Variants in BAZ2B observed in about 807,000 individuals in gnomAD.
BAZ2B encodes the protein bromodomain adjacent to zinc finger domain protein 2B.
A neutral mutation model predicts 246.0 loss-of-function variants in BAZ2B; 91 were observed. The observed-to-expected ratio is 0.37, with a 90% confidence interval of 0.31 to 0.44. The LOEUF is 0.44. Among genes scored for constraint, BAZ2B ranks in the 20% least tolerant of loss-of-function variants. The pLI is 1.00. For missense variants in BAZ2B, 2,332 were observed against 2,533.7 expected, an observed-to-expected ratio of 0.92 and a Z score of 1.71; for synonymous variants, 855 against 860.0, an observed-to-expected ratio of 0.99 and a Z score of 0.10.
Position 159,438,648 on chromosome 2 carries a change from T to C in BAZ2B, c.948A>G (p.Ala316=), listed in dbSNP as rs1394732580. 4 of 1,613,132 alleles carry C rather than the reference T, an allele frequency of 2.5e-6. No individual in the cohort carries two copies. Among genetic ancestry groups the C allele is most frequent in the Non-Finnish European group, 3.4e-6 (4 of 1,179,852 alleles). ...ISDPKADGQK[A]TEKAQEKRIH... ...TTCTTTTTTCCTGGGCTTTTTCAGT[T>C]GCTTTCTGTCCATCTGCTTTTGGGT... Residue 316 remains alanine (A), a synonymous_variant, in exon 8 of 37, where the codon GCA becomes GCG. Transcript: ENST00000392783.
chr2:159,441,786 C>G (rs1235845223), intron 6 of BAZ2B, among the ~76,000 whole-genome samples: 3 of 152,230 alleles, frequency 2.0e-5, no homozygotes, highest in Admixed American at 2.0e-4. Context: ...CTAGTTGGGA[C>G]TATAAGCTAA....
intron 32 of BAZ2B, 94 bp from the exon 33 acceptor site, chr2:159,337,171 A>G: frequency 7.0e-7 from 1 of 1,428,950 alleles, no homozygotes; most frequent in Non-Finnish European, 9.6e-7. Flanking sequence ...AAGCAATGAC[A>G]AAAACATGTA....
intron 30 of BAZ2B, 123 bp from the exon 31 acceptor site, chr2:159,347,769 G>T: frequency 2.6e-6 from 2 of 777,606 alleles, no homozygotes; most frequent in Non-Finnish European, 4.0e-6. Context: ...ATACACAAAT[G>T]CACTTGTGTA....
the BAZ2B span, among the ~76,000 whole-genome samples, chr2:159,625,782 C>A: frequency 1.3e-5 from 2 of 152,058 alleles, no homozygotes; most frequent in Admixed American, 6.6e-5. Context: ...ACAGGCGAAA[C>A]AACCAGCTAG....
At chr2:159,516,754 G>A (rs1048443922) in intron 2 of BAZ2B, 2 of 152,256 alleles carry the variant, frequency 1.3e-5, no homozygotes, top group African/African-American at 2.4e-5. Context: ...TCAAGTAATC[G>A]TTCTTTTCTT....
intron 2 of BAZ2B, among the ~76,000 whole-genome samples, chr2:159,503,362 T>C (rs2082027702): frequency 1.3e-5 from 2 of 152,152 alleles, no homozygotes; most frequent in East Asian, 3.9e-4. Context: ...TTTTAGTGCA[T>C]GATGTTTGTT....
intron 27 of BAZ2B, among the ~76,000 whole-genome samples, chr2:159,363,629 A>G (rs920920691): frequency 3.3e-5 from 5 of 152,230 alleles, no homozygotes; most frequent in African/African-American, 1.2e-4. Flanking sequence ...CGATAGGCTG[A>G]ACTCAGGCAA....
At chr2:159,415,239 G>T (rs7567974) in intron 13 of BAZ2B, among the ~76,000 whole-genome samples, 36,435 of 151,764 alleles carry the variant, frequency 0.24, 5,162 homozygotes, top group Admixed American at 0.41. Context: ...AAGGTCAGGA[G>T]TTCAAGACCA....
Position 159,557,682 on chromosome 2 carries a change from A to G in BAZ2B, c.-45-1817T>C, listed in dbSNP as rs946682995. Among the ~76,000 whole-genome samples, 14 of 152,186 alleles carry G rather than the reference A, an allele frequency of 9.2e-5. 1 individual carries two copies. The highest frequency in any genetic ancestry group is 7.9e-4 in the Admixed American group (12 of 15,270). Reference sequence around the variant, plus strand: ...CTGTTAGCTTTAACTCCATGAAGGAAGATCACTGGAGCACAAGTTTAGTAC... The same window carrying G: ...CTGTTAGCTTTAACTCCATGAAGGAGGATCACTGGAGCACAAGTTTAGTAC... On this transcript the variant is annotated intron_variant, in intron 1 of 36. Transcript: ENST00000392783.
chr2:159,458,079 C>T (rs2075992331), intron 3 of BAZ2B, among the ~76,000 whole-genome samples: 1 of 152,168 alleles, frequency 6.6e-6, no homozygotes, highest in Non-Finnish European at 1.5e-5. Context: ...ACAATCTCAG[C>T]TTACTGCAAC....
At position 159,382,880 on chromosome 2, in the gene BAZ2B, T is replaced by C. The variant is rs945517810; in HGVS notation, c.3762-78A>G. 25 of 1,510,466 alleles carry C rather than the reference T, an allele frequency of 1.7e-5. No homozygotes were observed. In the East Asian group the frequency reaches 3.9e-4, roughly 23 times the overall value. The allele number at this position is 1,510,466 out of a possible 1,614,324, so 93.6% of individuals were successfully genotyped here. A position where few individuals can be genotyped will look rare whatever the true frequency, so the allele number is the denominator to read the frequency against. On this transcript the variant is annotated intron_variant, in intron 24 of 36. Coordinates refer to ENST00000392783, the MANE Select transcript of BAZ2B (RefSeq NM_013450.4). Reference sequence around the variant, plus strand: ...TTTTAAAAGAGCAAAACATGAGTTGTATGCAAAAATACCTTATGGCATTTC... The same window carrying C: ...TTTTAAAAGAGCAAAACATGAGTTGCATGCAAAAATACCTTATGGCATTTC...
At chr2:159,380,035 T>C (rs2061823101) in intron 25 of BAZ2B, among the ~76,000 whole-genome samples, 1 of 152,096 alleles carries the variant, frequency 6.6e-6, no homozygotes, top group South Asian at 2.1e-4. Flanking sequence ...CATCCCTCTA[T>C]GACCTTGCCT....
chr2:159,415,913 T>C (rs2067629213), intron 13 of BAZ2B, among the ~76,000 whole-genome samples: 1 of 152,214 alleles, frequency 6.6e-6, no homozygotes, highest in Non-Finnish European at 1.5e-5. Context: ...AACATTTCTA[T>C]CTCATATGGT....
At chr2:159,447,866 G>A (rs931732085) in intron 5 of BAZ2B, among the ~76,000 whole-genome samples, 2 of 152,132 alleles carry the variant, frequency 1.3e-5, no homozygotes, top group Non-Finnish European at 2.9e-5. Context: ...TGATCCCAGC[G>A]CTTTTGGAGG....
chr2:159,593,222 T>C (rs1689806258), intron 1 of BAZ2B, among the ~76,000 whole-genome samples: 1 of 152,214 alleles, frequency 6.6e-6, no homozygotes, highest in South Asian at 2.1e-4. Flanking sequence ...CACCTTTAAA[T>C]CTATCATTAT....
chr2:159,410,590 G>A (rs963711616), intron 14 of BAZ2B, among the ~76,000 whole-genome samples: 3 of 152,148 alleles, frequency 2.0e-5, no homozygotes, highest in African/African-American at 7.2e-5. Context: ...GCGAAACTGT[G>A]AGTCAATTAA....
chr2:159,577,928 T>C (rs1397328359), intron 1 of BAZ2B, among the ~76,000 whole-genome samples: 2 of 152,228 alleles, frequency 1.3e-5, no homozygotes, highest in Non-Finnish European at 2.9e-5. Flanking sequence ...GTTAGAGGAC[T>C]TAAGTAATTT....
intron 25 of BAZ2B, among the ~76,000 whole-genome samples, chr2:159,377,728 G>A (rs977630011): frequency 6.7e-6 from 1 of 149,612 alleles, no homozygotes; most frequent in African/African-American, 2.5e-5. Context: ...CAGGAGAATC[G>A]CTTGAACCAG....
chr2:159,676,448 T>C, the BAZ2B span, among the ~76,000 whole-genome samples: 12 of 152,188 alleles, frequency 7.9e-5, no homozygotes, highest in Non-Finnish European at 1.5e-5. Context: ...CATGGCATTA[T>C]ATTTCTCCTA....
Sources: allele counts gnomAD v4.1 joint callset (sites outside exome capture counted in the v4.1 genomes callset), GRCh38; gene constraint gnomAD v4.1.1; transcripts MANE v1.5; gene names NCBI Gene and HGNC (gene_info 2026-07-23, HGNC 2026-07-21).